WWOX: variants seen among roughly 807,000 people sequenced by gnomAD.
WWOX encodes WW domain containing oxidoreductase.
Under a neutral mutation model 46.2 loss-of-function variants are expected in WWOX, and 69 were observed. The ratio of observed to expected loss-of-function variants is 1.49; its 90% CI spans 1.23 to 1.82. The LOEUF (loss-of-function observed/expected upper bound fraction) is 1.82, where lower values mean the gene tolerates loss of function less well. Among genes scored for constraint, WWOX ranks in the 40% most tolerant of loss-of-function variants. The pLI is 0.00. For missense variants in WWOX, 919 were observed against 542.6 expected (o/e 1.69, Z -6.89); for synonymous variants, 359 against 202.6 (o/e 1.77, Z -6.56).
chr16:79,014,367 C>G (rs559079600), intron 8 of WWOX, among the ~76,000 whole-genome samples: 8 of 152,106 alleles, frequency 5.3e-5, no homozygotes, highest in African/African-American at 1.7e-4. Flanking sequence ...TTCCTGTTTT[C>G]TATTGTCCCC....
intron 8 of WWOX, among the ~76,000 whole-genome samples, chr16:78,951,646 A>G (rs923285561): frequency 6.6e-6 from 1 of 152,148 alleles, no homozygotes; most frequent in Admixed American, 6.5e-5. Flanking sequence ...CTTGATGTCA[A>G]TCTTGTTTTA....
rs1232491002 is a variant in WWOX at position 78,432,641 on chromosome 16, G to T, written c.945G>T (p.Gly315=). The part of the protein sequence containing the change: ...NELHRRLSPR[G]VTSNAVHPGN... ...TGCACCGTCGCCTCTCCCCACGCGG[G>T]GTCACGTCGAACGCAGTGCATCCTG... Residue 315 remains glycine (G), a synonymous_variant, in exon 8 of 9, where the codon GGG becomes GGT. Coordinates refer to ENST00000566780, the MANE Select transcript of WWOX (RefSeq NM_016373.4). 8 of 1,614,122 alleles carry T rather than the reference G, an allele frequency of 5.0e-6. No individual in the cohort carries two copies. Among genetic ancestry groups the T allele is most frequent in the Non-Finnish European group, 6.8e-6 (8 of 1,180,030 alleles).
chr16:79,138,132 G>T (rs530473444), intron 8 of WWOX, among the ~76,000 whole-genome samples: 1 of 152,112 alleles, frequency 6.6e-6, no homozygotes, highest in Admixed American at 6.6e-5. Context: ...ATAATTCCCC[G>T]AGAATACTGC....
intron 8 of WWOX, among the ~76,000 whole-genome samples, chr16:79,176,259 A>G (rs1247835147): frequency 6.6e-6 from 1 of 152,230 alleles, no homozygotes; most frequent in Non-Finnish European, 1.5e-5. Flanking sequence ...ACGTTCCACA[A>G]AGTGACTCAG....
At chr16:79,066,596 C>T (rs1451961501) in intron 8 of WWOX, among the ~76,000 whole-genome samples, 1 of 152,218 alleles carries the variant, frequency 6.6e-6, no homozygotes, top group Non-Finnish European at 1.5e-5. Context: ...AAGCTCACCT[C>T]TTTACAGCTG....
intron 8 of WWOX, among the ~76,000 whole-genome samples, chr16:79,000,508 A>C (rs1192725362): frequency 6.6e-6 from 1 of 152,182 alleles, no homozygotes; most frequent in Non-Finnish European, 1.5e-5. Flanking sequence ...GAGGTGGCTG[A>C]GTAAAGAGGA....
rs181715038 is a variant in WWOX at position 78,344,727 on chromosome 16, C to G, written c.517-42133C>G. Among the ~76,000 whole-genome samples, 5 of 122,062 alleles carry G rather than the reference C, an allele frequency of 4.1e-5. 2 individuals carry two copies. Among genetic ancestry groups the G allele is most frequent in the East Asian group, 1.9e-4 (1 of 5,180 alleles). The allele number at this position is 122,062 out of a possible 152,430, so 80.1% of individuals were successfully genotyped here. A position where few individuals can be genotyped will look rare whatever the true frequency, so the allele number is the denominator to read the frequency against. The stretch of plus-strand genomic sequence containing the variant: ...GAAGGAATTGACTGAAAAGAATTCT[C>G]CATTCCAACTTCCCAAGTCAGTTGC... On this transcript the variant is annotated intron_variant, in intron 5 of 8. Coordinates refer to ENST00000566780, the MANE Select transcript of WWOX (RefSeq NM_016373.4).
intron 8 of WWOX, among the ~76,000 whole-genome samples, chr16:78,764,325 G>A (rs1229128155): frequency 6.6e-6 from 1 of 151,606 alleles, no homozygotes; most frequent in Non-Finnish European, 1.5e-5. Context: ...CAGCATTGCA[G>A]AACCTGGCAA....
intron 8 of WWOX, among the ~76,000 whole-genome samples, chr16:78,903,283 C>G (rs966872134): frequency 6.6e-6 from 1 of 152,180 alleles, no homozygotes; most frequent in African/African-American, 2.4e-5. Context: ...AGTGAAGTTA[C>G]AAATATCACA....
chr16:78,561,249 C>T (rs2044427988), intron 8 of WWOX, among the ~76,000 whole-genome samples: 1 of 152,176 alleles, frequency 6.6e-6, no homozygotes, highest in Non-Finnish European at 1.5e-5. Context: ...GAGTCCCCTC[C>T]TGCTTTGAAT....
intron 5 of WWOX, among the ~76,000 whole-genome samples, chr16:78,328,042 A>T (rs1441547345): frequency 6.6e-6 from 1 of 151,884 alleles, no homozygotes; most frequent in Non-Finnish European, 1.5e-5. Flanking sequence ...TGCCTGGCTA[A>T]TTTGTATTTT....
chr16:78,628,903 C>G (rs74343736), intron 8 of WWOX, among the ~76,000 whole-genome samples: 3,366 of 152,192 alleles, frequency 0.022, 117 homozygotes, highest in African/African-American at 0.076. Context: ...GCCCCCTCCT[C>G]ATTGTGCATT....
intron 8 of WWOX, among the ~76,000 whole-genome samples, chr16:79,184,388 G>C (rs981661097): frequency 3.9e-5 from 6 of 152,118 alleles, no homozygotes; most frequent in African/African-American, 1.2e-4. Flanking sequence ...GTGTCCATGG[G>C]GGCAGAGACC....
chr16:78,398,528 C>T (rs1283958237), intron 6 of WWOX, among the ~76,000 whole-genome samples: 4 of 152,202 alleles, frequency 2.6e-5, no homozygotes, highest in Admixed American at 6.5e-5. Flanking sequence ...CTTACCCGGG[C>T]ACCACAGTTG....
At chr16:78,715,665 C>G (rs1215220557) in intron 8 of WWOX, among the ~76,000 whole-genome samples, 3 of 152,052 alleles carry the variant, frequency 2.0e-5, no homozygotes, top group Non-Finnish European at 2.9e-5. Context: ...TTAATAGAGA[C>G]AGGATTTCAC....
At chr16:78,542,715 C>G (rs1022068059) in intron 8 of WWOX, among the ~76,000 whole-genome samples, 11 of 152,202 alleles carry the variant, frequency 7.2e-5, no homozygotes, top group Non-Finnish European at 1.2e-4. Context: ...TCTATCAGCC[C>G]TCTAAACTGG....
intron 8 of WWOX, among the ~76,000 whole-genome samples, chr16:78,764,974 C>T (rs762009346): frequency 3.3e-5 from 5 of 152,136 alleles, no homozygotes; most frequent in Non-Finnish European, 7.4e-5. Context: ...TTTGAGCTTT[C>T]AGAAAACTTA....
chr16:78,762,807 C>G (rs1169666384), intron 8 of WWOX, among the ~76,000 whole-genome samples: 1 of 152,176 alleles, frequency 6.6e-6, no homozygotes, highest in Non-Finnish European at 1.5e-5. Flanking sequence ...GTATCTGTAT[C>G]TGTAATATGG....
At chr16:78,992,789 T>A (rs1412531379) in intron 8 of WWOX, among the ~76,000 whole-genome samples, 1 of 152,134 alleles carries the variant, frequency 6.6e-6, no homozygotes, top group African/African-American at 2.4e-5. Context: ...GAGCCCTCCT[T>A]GAGGGACATA....
Sources: gnomAD v4.1 joint callset for allele counts (sites outside exome capture counted in the v4.1 genomes callset) on GRCh38, gnomAD v4.1.1 for gene constraint, MANE v1.5 for transcripts, NCBI Gene and HGNC (gene_info 2026-07-23, HGNC 2026-07-21) for gene names.